The following KIF26A variants were observed in gnomAD, a reference collection of about 807,000 sequenced individuals.
KIF26A encodes kinesin family member 26A.
Under a neutral mutation model 126.0 loss-of-function variants are expected in KIF26A, and 74 were observed. The observed-to-expected ratio is 0.59, with a 90% CI of 0.49 to 0.71. The LOEUF (loss-of-function observed/expected upper bound fraction) is 0.71. Among genes scored for constraint, KIF26A ranks in the 30% least tolerant of loss-of-function variants. The pLI is 0.00. For synonymous variants in KIF26A, 1,445 were observed against 1,232.7 expected, an observed-to-expected ratio of 1.17 and a Z score of -3.61; for missense variants, 2,984 against 2,763.3, an observed-to-expected ratio of 1.08 and a Z score of -1.79.
In KIF26A at chr14:104,151,935, G is replaced by A. The variant is rs1351358630; in HGVS notation, c.289-80G>A. ...GGCGGGAGCTCGCAGCGTCATGGAC[G>A]GTGAGAGTGCTGGTGGGCTCTGGGT... On this transcript the variant is annotated intron_variant, in intron 2 of 14. Coordinates refer to ENST00000423312, the MANE Select transcript of KIF26A (RefSeq NM_015656.2). This position sits in a 1 kb window ranked among gnomAD's most constrained non-coding sequence, Gnocchi z 4.9. 5 of 1,281,318 alleles carry A rather than the reference G, an allele frequency of 3.9e-6. No homozygotes were observed. Among genetic ancestry groups the A allele is most frequent in the South Asian group, 1.2e-5 (1 of 83,544 alleles). The allele number at this position is 1,281,318 out of a possible 1,614,324, so 79.4% of individuals were successfully genotyped here. A position where few individuals can be genotyped will look rare whatever the true frequency, so the allele number is the denominator to read the frequency against.
Position 104,177,509 on chromosome 14 carries a change from G to C in KIF26A, c.4721G>C (p.Gly1574Ala), listed in dbSNP as rs1296588061. 2 of 1,534,818 alleles carry C rather than the reference G, an allele frequency of 1.3e-6. No individual in the cohort carries two copies. Among genetic ancestry groups the C allele is most frequent in the African/African-American group, 2.7e-5 (2 of 72,806 alleles). ...HSRVHELSAS[G>A]APGRGGSSWG... Reference sequence around the variant, plus strand: ...CGCGTCCATGAGCTGTCAGCCAGTGGAGCCCCGGGCCGAGGTGGCTCCTCG... The same window carrying C: ...CGCGTCCATGAGCTGTCAGCCAGTGCAGCCCCGGGCCGAGGTGGCTCCTCG... Residue 1574 changes from glycine (G) to alanine (A), a missense_variant, in exon 12 of 15, where the codon GGA becomes GCA. By Grantham distance (60) the Gly-to-Ala change is moderately conservative. Transcript: ENST00000423312.
chr14:104,165,735 A>T (rs935941587), intron 4 of KIF26A, among the ~76,000 whole-genome samples: 2 of 140,970 alleles, frequency 1.4e-5, no homozygotes, highest in African/African-American at 5.2e-5. Flanking sequence ...GTGTTTCTGT[A>T]TGCATATGTG....
Position 104,139,153 on chromosome 14 carries a change from C to G in KIF26A, c.153C>G (p.Pro51=), listed in dbSNP as rs935238573. 3.2e-5 allele frequency: 49 copies of G among 1,516,634 alleles called. No individual in the cohort carries two copies. Among genetic ancestry groups the G allele is most frequent in the Middle Eastern group, 2.1e-4 (1 of 4,858 alleles). The allele number at this position is 1,516,634 out of a possible 1,614,324, so 93.9% of individuals were successfully genotyped here. The part of the protein sequence containing the change: ...DQDPCGSRPA[P]EGAGAGPEQG... The stretch of plus-strand genomic sequence containing the variant: ...ACCCATGCGGCAGCCGCCCTGCTCC[C>G]GAAGGCGCCGGGGCCGGCCCAGAGC... Residue 51 remains proline, a synonymous_variant, in exon 2 of 15, where the codon CCC becomes CCG. Transcript: ENST00000423312.
rs757139382 is a variant in KIF26A at position 104,175,280 on chromosome 14, G to A, written c.2492G>A (p.Arg831Gln). ...CGCCACCGGCCCTCCAAGGGTCCCCGAGACGCAGACCACTTCCGCTGCAGC... is the reference window on the plus strand; with the variant it reads ...CGCCACCGGCCCTCCAAGGGTCCCCAAGACGCAGACCACTTCCGCTGCAGC... Reference protein sequence around the residue: ...LSRHRPSKGPRDADHFRCSTF... With the variant: ...LSRHRPSKGPQDADHFRCSTF... Residue 831 changes from arginine to glutamine, a missense_variant, in exon 12 of 15, where the codon CGA becomes CAA. Transcript: ENST00000423312. 3 of 1,605,280 alleles carry A rather than the reference G, an allele frequency of 1.9e-6. No homozygotes were observed. Among genetic ancestry groups the A allele is most frequent in the Non-Finnish European group, 1.7e-6 (2 of 1,179,600 alleles).
intron 13 of KIF26A, 140 bp downstream of exon 13, chr14:104,178,895 C>T (rs975506765): frequency 1.8e-4 from 109 of 607,148 alleles, no homozygotes; most frequent in Admixed American, 3.6e-4. Context: ...GTCCACGTTC[C>T]TCCCAGGACG....
chr14:104,147,067 A>G (rs745617514), intron 2 of KIF26A, among the ~76,000 whole-genome samples: 71 of 151,986 alleles, frequency 4.7e-4, no homozygotes, highest in Non-Finnish European at 8.2e-4. Context: ...CCCTTGGTTC[A>G]CCCGGTGACT....
intron 14 of KIF26A, 99 bp from the exon 15 acceptor site, chr14:104,179,510 C>T (rs1029157062): frequency 9.1e-6 from 13 of 1,428,396 alleles, no homozygotes; most frequent in African/African-American, 2.9e-5. Context: ...CAGGGTCGGC[C>T]GGGCCAAGAT....
chr14:104,176,094 C>A lies in KIF26A; in HGVS notation c.3306C>A (p.Ala1102=), dbSNP rs371186082. 2 of 1,587,058 alleles carry A rather than the reference C, an allele frequency of 1.3e-6. No homozygotes were observed. The highest frequency in any genetic ancestry group is 1.3e-5 in the African/African-American group (1 of 74,420). Residue 1102 remains alanine (A), a synonymous_variant, in exon 12 of 15, where the codon GCC becomes GCA. Coordinates refer to ENST00000423312, the MANE Select transcript of KIF26A (RefSeq NM_015656.2). The part of the protein sequence containing the change: ...EGGPLEGAAW[A]GSSHGSSISS... ...GGCCCCTGGAGGGGGCAGCCTGGGC[C>A]GGCAGCAGTCACGGCTCCTCCATCA... is the stretch of plus-strand genomic sequence containing the variant.
chr14:104,177,642 C>T lies in KIF26A; in HGVS notation c.4854C>T (p.Ala1618=). The T allele has an allele frequency of 5.2e-6, 8 of 1,526,228 alleles. No homozygotes were observed. Among genetic ancestry groups the T allele is most frequent in the Non-Finnish European group, 7.0e-6 (8 of 1,141,064 alleles). 94.5% of individuals were successfully genotyped at this position (1,526,228 alleles called of 1,614,324 possible). ...CCTCCCCCTACAGCAAGGTGACCGCCCCACGGCGGCCCCAGCGCTACAGCA... is the reference window on the plus strand; with the variant it reads ...CCTCCCCCTACAGCAAGGTGACCGCTCCACGGCGGCCCCAGCGCTACAGCA... The part of the protein sequence containing the change: ...ALPSPYSKVT[A]PRRPQRYSSG... Residue 1618 remains alanine (A), a synonymous_variant, in exon 12 of 15, where the codon GCC becomes GCT. Coordinates refer to ENST00000423312, the MANE Select transcript of KIF26A (RefSeq NM_015656.2).
chr14:104,174,267 A>G lies in KIF26A; in HGVS notation c.2150A>G (p.Gln717Arg), dbSNP rs1201212755. The G allele has an allele frequency of 1.3e-6, 2 of 1,564,710 alleles. No individual in the cohort carries two copies. Among genetic ancestry groups the G allele is most frequent in the Non-Finnish European group, 8.7e-7 (1 of 1,155,952 alleles). Reference protein sequence around the residue: ...AQHAETLSTVQLAARIHRLRR... With the variant: ...AQHAETLSTVRLAARIHRLRR... Reference sequence around the variant, plus strand: ...CACGCAGAGACACTCAGCACCGTGCAGCTCGCCGCCCGCATCCACCGCCTG... The same window carrying G: ...CACGCAGAGACACTCAGCACCGTGCGGCTCGCCGCCCGCATCCACCGCCTG... Residue 717 changes from glutamine to arginine, a missense_variant, in exon 11 of 15, where the codon CAG (glutamine) becomes CGG (arginine). Physicochemically the swap from Gln to Arg is conservative, Grantham distance 43. Coordinates refer to ENST00000423312, the MANE Select transcript of KIF26A (RefSeq NM_015656.2).
chr14:104,168,986 C>A lies in KIF26A; in HGVS notation c.1113+1938C>A, dbSNP rs570599962. Among the ~76,000 whole-genome samples the A allele has an allele frequency of 8.1e-4, 123 of 152,354 alleles. 1 individual carries two copies. The highest frequency in any genetic ancestry group is 7.7e-3 in the South Asian group (37 of 4,832). On this transcript the variant is annotated intron_variant, in intron 5 of 14. Coordinates refer to ENST00000423312, the MANE Select transcript of KIF26A (RefSeq NM_015656.2). ...GGGGCTCCTGATCTCTGTGCGTGTG[C>A]CCGGCACGGGCTGTTTCTCCACAGT...
At chr14:104,141,358 A>G (rs1395991994) in intron 2 of KIF26A, among the ~76,000 whole-genome samples, 1 of 152,194 alleles carries the variant, frequency 6.6e-6, no homozygotes, top group Non-Finnish European at 1.5e-5. Context: ...GGGAGAGATG[A>G]GCTTCCTTGA....
At chr14:104,160,226 T>C (rs559715548) in intron 4 of KIF26A, among the ~76,000 whole-genome samples, 18 of 152,044 alleles carry the variant, frequency 1.2e-4, no homozygotes, top group South Asian at 4.2e-4. Flanking sequence ...GCAGGCAGCA[T>C]TGCCAAGTGG....
chr14:104,142,958 C>T (rs1183282334), intron 2 of KIF26A, among the ~76,000 whole-genome samples: 1 of 152,250 alleles, frequency 6.6e-6, no homozygotes, highest in Non-Finnish European at 1.5e-5. Context: ...GACCATCCCC[C>T]TCCCCCACAA....
chr14:104,166,591 G>A (rs1215787033), intron 4 of KIF26A, among the ~76,000 whole-genome samples: 1 of 152,160 alleles, frequency 6.6e-6, no homozygotes, highest in Non-Finnish European at 1.5e-5. Context: ...CACAGGGAGG[G>A]GCGCTCAGCC....
chr14:104,176,238 TG>T lies in KIF26A; in HGVS notation c.3452del (p.Gly1151ValfsTer97). On this transcript the variant is annotated frameshift_variant, in exon 12 of 15. Coordinates refer to ENST00000423312, the MANE Select transcript of KIF26A (RefSeq NM_015656.2). LOFTEE classifies it high-confidence loss of function. ...LDPGGPPALD[G>X]SLGDGSSGFL... is the part of the protein sequence containing the mutation. ...ACCCTGGGGGCCCCCCTGCCCTGGA[TG>T]GTTCCCTGGGGGATGGAAGCTCTGG... The T allele has an allele frequency of 1.2e-6, 2 of 1,600,844 alleles. No individual in the cohort carries two copies.
intron 3 of KIF26A, among the ~76,000 whole-genome samples, chr14:104,155,454 C>T (rs1042130083): frequency 8.0e-5 from 12 of 150,396 alleles, no homozygotes; most frequent in East Asian, 2.0e-4. Context: ...CTGCGCCCCT[C>T]GGCCTCACGC....
chr14:104,166,455 C>A (rs1012058031), intron 4 of KIF26A, among the ~76,000 whole-genome samples: 14 of 152,164 alleles, frequency 9.2e-5, no homozygotes, highest in Non-Finnish European at 1.6e-4. Context: ...CAGGTCACAG[C>A]TGTGCATGGC....
chr14:104,153,663 C>T (rs552562303), intron 3 of KIF26A, among the ~76,000 whole-genome samples: 4 of 139,036 alleles, frequency 2.9e-5, no homozygotes, highest in South Asian at 5.3e-4. Flanking sequence ...GAGGGGTGGG[C>T]GGGGATGGTG....
Sources: allele counts gnomAD v4.1 joint callset (sites outside exome capture counted in the v4.1 genomes callset), GRCh38; gene constraint gnomAD v4.1.1; non-coding constraint Gnocchi (gnomAD v3.1); transcripts MANE v1.5; gene names NCBI Gene and HGNC (gene_info 2026-07-23, HGNC 2026-07-21).